The following RRAS2 variants were observed in gnomAD, a reference collection of about 807,000 sequenced individuals.
RRAS2 encodes the protein ras-related protein R-Ras2.
In RRAS2, 7 loss-of-function variants were observed where a neutral mutation model predicts 27.6. That is an observed-to-expected ratio of 0.25 (90% CI 0.14 to 0.48). The LOEUF is 0.48. RRAS2 is among the 20% of genes least tolerant of loss of function. The pLI, the probability that RRAS2 is intolerant of heterozygous loss-of-function variation, is 0.99. For synonymous variants in RRAS2, 86 were observed against 90.9 expected, an observed-to-expected ratio of 0.95 and a Z score of 0.31; for missense variants, 178 against 256.2, an observed-to-expected ratio of 0.69 and a Z score of 2.08.
chr11:14,294,393 C>A, intron 4 of RRAS2, 78 bp downstream of exon 4: 1 of 981,616 alleles, frequency 1.0e-6, no homozygotes, highest in Non-Finnish European at 1.5e-6. Flanking sequence ...ACTAGACTTT[C>A]AATTATTTCC....
chr11:14,346,049 T>C (rs1848822276), intron 1 of RRAS2, among the ~76,000 whole-genome samples: 1 of 152,216 alleles, frequency 6.6e-6, no homozygotes, highest in African/African-American at 2.4e-5. Context: ...TGTGGCCTTC[T>C]GAAAAGACAA....
chr11:14,361,024 G>A (rs1849184998), upstream of RRAS2, among the ~76,000 whole-genome samples: 2 of 150,748 alleles, frequency 1.3e-5, 1 homozygote, highest in Middle Eastern at 6.8e-3. Context: ...AGTGGCTCAC[G>A]CCTGTAATCC....
chr11:14,345,555 A>G (rs1273494553), intron 1 of RRAS2, among the ~76,000 whole-genome samples: 2 of 152,224 alleles, frequency 1.3e-5, no homozygotes, highest in African/African-American at 4.8e-5. Context: ...ACAGAAGAAC[A>G]AAAGAAGGAA....
chr11:14,350,245 G>A (rs1242462699), intron 1 of RRAS2, among the ~76,000 whole-genome samples: 1 of 152,090 alleles, frequency 6.6e-6, no homozygotes. Context: ...ATTGAAATCT[G>A]ATCCCCAAAG....
chr11:14,332,480 C>A (rs1848499987), intron 1 of RRAS2, among the ~76,000 whole-genome samples: 1 of 151,954 alleles, frequency 6.6e-6, no homozygotes, highest in African/African-American at 2.4e-5. Flanking sequence ...CAAGCCTCAG[C>A]AACAGAATGA....
At position 14,351,948 on chromosome 11, in the gene RRAS2, CAA is replaced by C. The variant is rs575732078; in HGVS notation, c.108+6813_108+6814del. 1.4e-4 allele frequency among the ~76,000 whole-genome samples: 21 copies of C among 148,216 alleles called. No individual in the cohort carries two copies. In the South Asian group the frequency reaches 4.1e-3, roughly 29 times the overall value. On this transcript the variant is annotated intron_variant, in intron 1 of 5. Coordinates refer to ENST00000256196, the MANE Select transcript of RRAS2 (RefSeq NM_012250.6). The stretch of plus-strand genomic sequence containing the variant: ...AATGCCCTGGTTTTTCGGAAATACA[CAA>C]AGAGATATTTAAGGATAAGGGTGGC...
chr11:14,356,804 T>G lies in RRAS2; in HGVS notation c.108+1959A>C, dbSNP rs546291870. On this transcript the variant is annotated intron_variant, in intron 1 of 5. Coordinates refer to ENST00000256196, the MANE Select transcript of RRAS2 (RefSeq NM_012250.6). ...ATTAGGAAAACGGCAATTAATGCTT[T>G]TTTTTTTTTTTTTTTGAGGCAGAGT... 5.0e-3 allele frequency: 1,338 copies of G among 265,942 alleles called. 11 individuals carry two copies. Among genetic ancestry groups the G allele is most frequent in the Admixed American group, 0.046 (1,215 of 26,260 alleles). 16.5% of individuals were successfully genotyped at this position (265,942 alleles called of 1,614,324 possible). A position where few individuals can be genotyped will look rare whatever the true frequency, so the allele number is the denominator to read the frequency against.
In RRAS2 at chr11:14,299,917, C is replaced by T. The variant is rs868908664; in HGVS notation, c.109-4062G>A. The stretch of plus-strand genomic sequence containing the variant: ...ACAGTTATGTACAGAACTATGTATG[C>T]GTTCACTTATCAACACAGCCTCAGC... On this transcript the variant is annotated intron_variant, in intron 1 of 5. Coordinates refer to ENST00000256196, the MANE Select transcript of RRAS2 (RefSeq NM_012250.6). Among the ~76,000 whole-genome samples, 10 of 152,262 alleles carry T rather than the reference C, an allele frequency of 6.6e-5. 1 individual carries two copies. Among genetic ancestry groups the T allele is most frequent in the Middle Eastern group, 3.4e-3 (1 of 294 alleles).
At chr11:14,283,526 T>C (rs1247791716) in intron 4 of RRAS2, among the ~76,000 whole-genome samples, 1 of 152,228 alleles carries the variant, frequency 6.6e-6, no homozygotes, top group East Asian at 1.9e-4. Context: ...CCGGCAAATC[T>C]ATCTGGGCTT....
At chr11:14,279,521 A>G in intron 5 of RRAS2, 97 bp from the exon 6 acceptor site, 4 of 931,372 alleles carry the variant, frequency 4.3e-6, no homozygotes, top group South Asian at 4.2e-5. Flanking sequence ...TTAAGTGTGT[A>G]TGCTTTTCAG....
At chr11:14,295,657 AT>A in intron 2 of RRAS2, 110 bp downstream of exon 2, 2 of 802,012 alleles carry the variant, frequency 2.5e-6, no homozygotes, top group South Asian at 4.5e-5. Context: ...ATGGGCTAAT[AT>A]TCCAGATCAT....
chr11:14,337,048 G>C (rs1399483920), intron 1 of RRAS2: 1 of 152,204 alleles, frequency 6.6e-6, no homozygotes, highest in Non-Finnish European at 1.5e-5. Flanking sequence ...ATGGGGATCA[G>C]AAGAAGTGGC....
chr11:14,293,212 T>G (rs1274558698), intron 4 of RRAS2, among the ~76,000 whole-genome samples: 1 of 143,642 alleles, frequency 7.0e-6, no homozygotes, highest in East Asian at 2.0e-4. Context: ...CCAATAAAAT[T>G]TTATGTACAC....
intron 1 of RRAS2, among the ~76,000 whole-genome samples, chr11:14,355,119 C>A (rs1247534697): frequency 6.6e-6 from 1 of 151,320 alleles, no homozygotes; most frequent in Admixed American, 6.6e-5. Flanking sequence ...GTTTAGAGAA[C>A]CTAAGAAACT....
intron 1 of RRAS2, among the ~76,000 whole-genome samples, chr11:14,348,852 C>T (rs1424089313): frequency 6.6e-6 from 1 of 152,172 alleles, no homozygotes; most frequent in East Asian, 1.9e-4. Context: ...GATCTCATTG[C>T]TAAAGGGGTA....
intron 1 of RRAS2, among the ~76,000 whole-genome samples, chr11:14,342,799 CACTTA>C (rs1483329831): frequency 1.3e-5 from 2 of 152,112 alleles, no homozygotes; most frequent in Non-Finnish European, 1.5e-5. Flanking sequence ...CAATGTTAAT[CACTTA>C]ACTTGTCTCA....
At chr11:14,338,050 TA>T (rs2134018672) in intron 1 of RRAS2, among the ~76,000 whole-genome samples, 1 of 152,282 alleles carries the variant, frequency 6.6e-6, no homozygotes, top group Admixed American at 6.5e-5. Context: ...GTTAATACTG[TA>T]AAATGTATAT....
At chr11:14,330,020 A>C (rs1440769387) in intron 1 of RRAS2, among the ~76,000 whole-genome samples, 4 of 152,196 alleles carry the variant, frequency 2.6e-5, no homozygotes, top group Non-Finnish European at 4.4e-5. Flanking sequence ...GCCTATAGTA[A>C]GCTATGATTG....
chr11:14,357,589 C>G (rs1849109603), intron 1 of RRAS2, among the ~76,000 whole-genome samples: 1 of 152,132 alleles, frequency 6.6e-6, no homozygotes, highest in Non-Finnish European at 1.5e-5. Flanking sequence ...GCAATTATTG[C>G]TCATTTACTC....
Sources: allele counts gnomAD v4.1 joint callset (sites outside exome capture counted in the v4.1 genomes callset), GRCh38; gene constraint gnomAD v4.1.1; transcripts MANE v1.5; gene names NCBI Gene and HGNC (gene_info 2026-07-23, HGNC 2026-07-21).